Variants in SUSD3 observed in about 807,000 individuals in gnomAD.
The protein encoded by SUSD3 is sushi domain-containing protein 3.
Under a neutral mutation model 20.6 loss-of-function variants are expected in SUSD3, and 18 were observed. That is an observed-to-expected ratio of 0.87 (90% CI 0.60 to 1.30). The LOEUF is 1.30. SUSD3 is among the 50% of genes most tolerant of loss of function. The pLI is 0.00. For missense variants in SUSD3, 306 were observed against 346.9 expected (o/e 0.88, Z 0.94); for synonymous variants, 137 against 141.5 (o/e 0.97, Z 0.23).
chr9:93,075,643 A>G, intron 1 of SUSD3, 141 bp from the exon 2 acceptor site: 1 of 631,196 alleles, frequency 1.6e-6, no homozygotes, highest in Non-Finnish European at 2.8e-6. Context: ...CCTCTAGAGC[A>G]TCCAATGGCC....
At chr9:93,078,077 G>A in intron 3 of SUSD3, 84 bp downstream of exon 3, 2 of 1,583,394 alleles carry the variant, frequency 1.3e-6, no homozygotes, top group Non-Finnish European at 1.7e-6. Flanking sequence ...GTGTTTCAAG[G>A]GAACCCCGGC....
At chr9:93,078,329 G>A (rs979114812) in intron 3 of SUSD3, among the ~76,000 whole-genome samples, 1 of 152,160 alleles carries the variant, frequency 6.6e-6, no homozygotes, top group Non-Finnish European at 1.5e-5. Flanking sequence ...CGTGATCTCA[G>A]CTCACTGCAA....
intron 1 of SUSD3, among the ~76,000 whole-genome samples, chr9:93,068,744 A>G (rs1041926767): frequency 3.3e-5 from 5 of 152,222 alleles, no homozygotes; most frequent in Non-Finnish European, 5.9e-5. Context: ...GAATCTGTAT[A>G]TCAGTTTGGA....
In SUSD3 at chr9:93,084,563, TG is replaced by T; in HGVS notation, c.586del (p.Ala196ProfsTer3). 1 of 1,598,642 alleles carries T rather than the reference TG, an allele frequency of 6.3e-7. No individual in the cohort carries two copies. Among genetic ancestry groups the T allele is most frequent in the Non-Finnish European group, 8.5e-7 (1 of 1,172,594 alleles). The part of the protein sequence containing the change: ...TTDHGESTSK[L>X]ASVTRSVDKD... ...GACCATGGTGAGAGCACCAGCAAGC[TG>T]GCCAGTGTGACCCGCAGCGTGGACA... is the stretch of plus-strand genomic sequence containing the variant. On this transcript the variant is annotated frameshift_variant, in exon 5 of 5. Transcript: ENST00000375472. LOFTEE classifies it low-confidence loss of function (END_TRUNC).
intron 4 of SUSD3, among the ~76,000 whole-genome samples, chr9:93,082,521 G>A (rs1826459082): frequency 6.6e-6 from 1 of 152,054 alleles, no homozygotes; most frequent in Non-Finnish European, 1.5e-5. Context: ...GTTTCACTGT[G>A]TTAGCCAGGA....
chr9:93,077,359 GCCCACCCTT>G lies in SUSD3; in HGVS notation c.278-484_278-476del, dbSNP rs1245496839. 3.9e-5 allele frequency among the ~76,000 whole-genome samples: 6 copies of G among 152,036 alleles called. No individual in the cohort carries two copies. The East Asian group carries it at 9.7e-4, about 25-fold the overall frequency. On this transcript the variant is annotated intron_variant, in intron 2 of 4. Coordinates refer to ENST00000375472, the MANE Select transcript of SUSD3 (RefSeq NM_145006.4). ...TGTCTATTGTCACCTCCTCTCTGTG[GCCCACCCTT>G]CCTTCATTCCTCAGGCAGGACTTCA... is the stretch of plus-strand genomic sequence containing the variant.
rs1014660604 is a variant in SUSD3 at position 93,084,518 on chromosome 9, A to G, written c.558-19A>G. The G allele has an allele frequency of 2.6e-6, 4 of 1,558,514 alleles. No individual in the cohort carries two copies. The African/African-American group carries it at 4.1e-5, about 16-fold the overall frequency. On this transcript the variant is annotated intron_variant, in intron 4 of 4. Transcript: ENST00000375472. Reference sequence around the variant, plus strand: ...CCTATCCACACTCTTTTGCCAACTCATGCCTCCTCTCTCCACAGAGACCAT... The same window carrying G: ...CCTATCCACACTCTTTTGCCAACTCGTGCCTCCTCTCTCCACAGAGACCAT...
In SUSD3 at chr9:93,074,616, C is replaced by CTTTTT. The variant is rs989411910; in HGVS notation, c.89-1150_89-1146dup. On this transcript the variant is annotated intron_variant, in intron 1 of 4. Coordinates refer to ENST00000375472, the MANE Select transcript of SUSD3 (RefSeq NM_145006.4). Reference sequence around the variant, plus strand: ...CATAGAGAAATCTTGGCAGCAGATTCTTTTTTTTTTTTTTTTTTTTTTGAG... The same window carrying CTTTTT: ...CATAGAGAAATCTTGGCAGCAGATTCTTTTTTTTTTTTTTTTTTTTTTTTTTTGAG... Among the ~76,000 whole-genome samples the CTTTTT allele has an allele frequency of 3.9e-3, 376 of 96,344 alleles. 22 individuals are homozygous for CTTTTT. The highest frequency in any genetic ancestry group is 0.013 in the African/African-American group (295 of 21,960). 63.2% of individuals were successfully genotyped at this position (96,344 alleles called of 152,430 possible).
chr9:93,072,258 C>G (rs898285596), intron 1 of SUSD3, among the ~76,000 whole-genome samples: 2 of 152,204 alleles, frequency 1.3e-5, no homozygotes, highest in African/African-American at 4.8e-5. Flanking sequence ...ATGTCTGCCT[C>G]AACCCCTCCT....
At position 93,084,664 on chromosome 9, in the gene SUSD3, A is replaced by G. The variant is rs1223271060; in HGVS notation, c.685A>G (p.Met229Val). 1 of 1,608,088 alleles carries G rather than the reference A, an allele frequency of 6.2e-7. No individual in the cohort carries two copies. The highest frequency in any genetic ancestry group is 1.7e-5 in the Admixed American group (1 of 58,964). ...SSPQAQVMVH[M>V]ANPRQPLPAS... ...ACCCCAAGCCCAGGTGATGGTGCAC[A>G]TGGCAAACCCCAGACAGCCCCTGCC... Residue 229 changes from methionine to valine, a missense_variant, in exon 5 of 5, where the codon ATG becomes GTG. Met to Val is a conservative substitution (Grantham distance 21). Coordinates refer to ENST00000375472, the MANE Select transcript of SUSD3 (RefSeq NM_145006.4).
At chr9:93,065,478 G>A (rs1278484773) in intron 1 of SUSD3, among the ~76,000 whole-genome samples, 1 of 152,208 alleles carries the variant, frequency 6.6e-6, no homozygotes, top group Non-Finnish European at 1.5e-5. Flanking sequence ...CAAACCTCTG[G>A]CTGGTGGGGC....
chr9:93,073,416 A>G (rs987736366), intron 1 of SUSD3, among the ~76,000 whole-genome samples: 1 of 151,528 alleles, frequency 6.6e-6, no homozygotes, highest in South Asian at 2.1e-4. Flanking sequence ...CTGGCTAATT[A>G]TTTTTCTATT....
At chr9:93,062,110 G>A (rs1415246231) in intron 1 of SUSD3, among the ~76,000 whole-genome samples, 2 of 152,224 alleles carry the variant, frequency 1.3e-5, no homozygotes, top group African/African-American at 4.8e-5. Context: ...CACCCGGTCA[G>A]GCTTGGCCCC....
chr9:93,058,868 G>A, intron 1 of SUSD3, 38 bp downstream of exon 1: 1 of 1,199,742 alleles, frequency 8.3e-7, no homozygotes, highest in Non-Finnish European at 1.1e-6. Context: ...GCGGGGCTCT[G>A]CGCCCATTTC....
rs535592975 is a variant in SUSD3, at chr9:93,066,530, C to T, written c.88+7700C>T. 1.1e-3 allele frequency among the ~76,000 whole-genome samples: 162 copies of T among 152,216 alleles called. 1 individual carries two copies. Among genetic ancestry groups the T allele is most frequent in the Non-Finnish European group, 1.6e-3 (108 of 68,012 alleles). On this transcript the variant is annotated intron_variant, in intron 1 of 4. Coordinates refer to ENST00000375472, the MANE Select transcript of SUSD3 (RefSeq NM_145006.4). ...TACAGGTATGAGCCACCGTGCTCGG[C>T]CAAGTATCTTCAGTTTTAAATGTGT...
In SUSD3 at chr9:93,085,003, G is replaced by A. The variant is rs1826596940; in HGVS notation, c.*256G>A. The A allele has an allele frequency of 5.4e-6, 2 of 372,114 alleles. No homozygotes were observed. The highest frequency in any genetic ancestry group is 9.6e-6 in the Non-Finnish European group (2 of 208,848). The allele number at this position is 372,114 out of a possible 1,614,324, so 23.1% of individuals were successfully genotyped here. A position where few individuals can be genotyped will look rare whatever the true frequency, so the allele number is the denominator to read the frequency against. ...TTATGGACTACTTGAAACCACTACT[G>A]AGGGTAATTTACTAGCTGTGGCCTC... is the stretch of plus-strand genomic sequence containing the variant. On this transcript the variant is annotated 3_prime_UTR_variant, in exon 5 of 5. Coordinates refer to ENST00000375472, the MANE Select transcript of SUSD3 (RefSeq NM_145006.4). This position sits in a 1 kb window ranked among gnomAD's most constrained non-coding sequence, Gnocchi z 4.3.
At chr9:93,075,188 A>G (rs1826078698) in intron 1 of SUSD3, among the ~76,000 whole-genome samples, 1 of 152,120 alleles carries the variant, frequency 6.6e-6, no homozygotes, top group Non-Finnish European at 1.5e-5. Context: ...TTGTTCACAC[A>G]TTAGAACTTG....
intron 1 of SUSD3, among the ~76,000 whole-genome samples, chr9:93,072,091 C>T (rs1022530975): frequency 1.3e-5 from 2 of 152,124 alleles, no homozygotes; most frequent in African/African-American, 4.8e-5. Context: ...AGTACAGCAC[C>T]CATTAGGCCC....
rs78013656 is a variant in SUSD3 at position 93,083,811 on chromosome 9, C to T, written c.558-726C>T. ...CTGAGAATTAGTTGTGGGTGGGAGC[C>T]GTGATCCAGGAAGGCTTCCTGGAAG... On this transcript the variant is annotated intron_variant, in intron 4 of 4. Coordinates refer to ENST00000375472, the MANE Select transcript of SUSD3 (RefSeq NM_145006.4). Among the ~76,000 whole-genome samples, 276 of 152,262 alleles carry T rather than the reference C, an allele frequency of 1.8e-3. 1 individual carries two copies. The highest frequency in any genetic ancestry group is 6.4e-3 in the African/African-American group (265 of 41,532).
Sources: allele counts gnomAD v4.1 joint callset (sites outside exome capture counted in the v4.1 genomes callset), GRCh38; gene constraint gnomAD v4.1.1; non-coding constraint Gnocchi (gnomAD v3.1); transcripts MANE v1.5; gene names NCBI Gene and HGNC (gene_info 2026-07-23, HGNC 2026-07-21).